The following RAP1GDS1 variants were observed in gnomAD, a reference collection of about 807,000 sequenced individuals.
The protein encoded by RAP1GDS1 is RAP1, GTP-GDP dissociation stimulator 1.
In RAP1GDS1, 35 loss-of-function variants were observed where a neutral mutation model predicts 71.1. The observed-to-expected ratio is 0.49, with a 90% CI of 0.38 to 0.65. RAP1GDS1 has a LOEUF of 0.65. Among genes scored for constraint, RAP1GDS1 ranks in the 30% least tolerant of loss-of-function variants. The pLI is 0.00. For missense variants in RAP1GDS1, 663 were observed against 706.1 expected (o/e 0.94, Z 0.69); for synonymous variants, 229 against 243.1 (o/e 0.94, Z 0.54).
chr4:98,345,752 C>A (rs1254298172), intron 3 of RAP1GDS1, among the ~76,000 whole-genome samples: 1 of 152,112 alleles, frequency 6.6e-6, no homozygotes, highest in Non-Finnish European at 1.5e-5. Context: ...AAATATCTTA[C>A]CTGTCATCAC....
At chr4:98,395,265 A>T (rs745379312) in intron 6 of RAP1GDS1, among the ~76,000 whole-genome samples, 1 of 152,174 alleles carries the variant, frequency 6.6e-6, no homozygotes, top group Non-Finnish European at 1.5e-5. Flanking sequence ...CACAAGTTTA[A>T]TTAAAACATT....
chr4:98,277,569 T>C (rs1286643376), intron 1 of RAP1GDS1, among the ~76,000 whole-genome samples: 1 of 152,224 alleles, frequency 6.6e-6, no homozygotes, highest in Non-Finnish European at 1.5e-5. Context: ...TTCTTCTGTC[T>C]TCTTAGTCAT....
intron 2 of RAP1GDS1, among the ~76,000 whole-genome samples, chr4:98,304,405 G>A (rs1729016768): frequency 1.3e-5 from 2 of 152,092 alleles, no homozygotes; most frequent in African/African-American, 4.8e-5. Flanking sequence ...GGCTTGAGAT[G>A]GTATCTCATT....
intron 2 of RAP1GDS1, among the ~76,000 whole-genome samples, chr4:98,324,569 A>G (rs1292488340): frequency 6.8e-6 from 1 of 146,264 alleles, no homozygotes; most frequent in Non-Finnish European, 1.5e-5. Context: ...GTACCAAAAC[A>G]GAGATATAGA....
At chr4:98,286,932 T>C (rs1393684681) in intron 1 of RAP1GDS1, among the ~76,000 whole-genome samples, 2 of 151,092 alleles carry the variant, frequency 1.3e-5, no homozygotes, top group Non-Finnish European at 1.5e-5. Flanking sequence ...AAATTACTGC[T>C]TAGAAAATTT....
At chr4:98,272,842 G>A (rs555451098) in intron 1 of RAP1GDS1, among the ~76,000 whole-genome samples, 6 of 152,218 alleles carry the variant, frequency 3.9e-5, no homozygotes, top group African/African-American at 1.2e-4. Flanking sequence ...CAATCTGATC[G>A]AGAAATGGTT....
At chr4:98,312,897 G>A (rs1015873456) in intron 2 of RAP1GDS1, among the ~76,000 whole-genome samples, 2 of 151,356 alleles carry the variant, frequency 1.3e-5, no homozygotes, top group African/African-American at 2.4e-5. Flanking sequence ...GGGAAACCCC[G>A]TCTCTAGTAA....
chr4:98,292,625 T>G (rs191747773), intron 1 of RAP1GDS1, among the ~76,000 whole-genome samples: 1 of 152,286 alleles, frequency 6.6e-6, no homozygotes, highest in African/African-American at 2.4e-5. Flanking sequence ...GGAAATAATT[T>G]TTTTCATTAA....
At chr4:98,418,108 T>C (rs557820929) in intron 9 of RAP1GDS1, among the ~76,000 whole-genome samples, 1 of 152,294 alleles carries the variant, frequency 6.6e-6, no homozygotes, top group East Asian at 1.9e-4. Context: ...TGTTGGTATA[T>C]ATTATATCAT....
Position 98,418,769 on chromosome 4 carries a change from C to A in RAP1GDS1, c.1152C>A (p.Ala384=). The change falls in exon 10 of 15, where the codon GCC becomes GCA. Residue 384 remains alanine, a synonymous_variant. Coordinates refer to ENST00000408927, the MANE Select transcript of RAP1GDS1 (RefSeq NM_001100427.2). ...NVTVQHAALS[A]LRNLAIPVIN... ...CAGTACAGCATGCAGCACTAAGTGC[C>A]CTCAGAAACCTGGCCATTCCAGGTA... The A allele has an allele frequency of 1.9e-6, 3 of 1,593,016 alleles. No individual in the cohort carries two copies. The highest frequency in any genetic ancestry group is 2.3e-5 in the East Asian group (1 of 44,018).
At chr4:98,429,864 G>A (rs1003998858) in intron 12 of RAP1GDS1, among the ~76,000 whole-genome samples, 41 of 151,900 alleles carry the variant, frequency 2.7e-4, no homozygotes, top group African/African-American at 8.9e-4. Context: ...AGTAAGGCTC[G>A]TGGAAACCTT....
At chr4:98,402,497 T>C (rs1445121493) in intron 6 of RAP1GDS1, among the ~76,000 whole-genome samples, 1 of 152,094 alleles carries the variant, frequency 6.6e-6, no homozygotes, top group Non-Finnish European at 1.5e-5. Context: ...CCTTGGCATG[T>C]GAAGTAAGAG....
intron 4 of RAP1GDS1, among the ~76,000 whole-genome samples, chr4:98,364,063 G>A (rs1211133374): frequency 6.6e-6 from 1 of 152,030 alleles, no homozygotes; most frequent in Non-Finnish European, 1.5e-5. Context: ...TTGTTTTGCT[G>A]CAGGCATTAT....
chr4:98,280,278 C>T (rs766496764), intron 1 of RAP1GDS1, among the ~76,000 whole-genome samples: 1 of 152,156 alleles, frequency 6.6e-6, no homozygotes, highest in Non-Finnish European at 1.5e-5. Context: ...CTGTTATTTC[C>T]TGACTTTTTA....
chr4:98,398,308 G>C (rs917188606), intron 6 of RAP1GDS1, among the ~76,000 whole-genome samples: 5 of 151,528 alleles, frequency 3.3e-5, no homozygotes, highest in Non-Finnish European at 5.9e-5. Flanking sequence ...ACAGAGAGGA[G>C]GAAATTGCCA....
intron 2 of RAP1GDS1, among the ~76,000 whole-genome samples, chr4:98,340,200 A>G (rs2110390274): frequency 6.6e-6 from 1 of 152,350 alleles, no homozygotes; most frequent in South Asian, 2.1e-4. Context: ...AGGAATAGAA[A>G]TCATTCTACG....
intron 4 of RAP1GDS1, among the ~76,000 whole-genome samples, chr4:98,357,777 C>A (rs866426246): frequency 1.3e-5 from 2 of 151,620 alleles, no homozygotes; most frequent in East Asian, 1.9e-4. Context: ...TTTAATATAA[C>A]CCCTAGAAAG....
At chr4:98,311,446 C>T (rs1730210153) in intron 2 of RAP1GDS1, among the ~76,000 whole-genome samples, 1 of 152,092 alleles carries the variant, frequency 6.6e-6, no homozygotes, top group Admixed American at 6.6e-5. Context: ...ATTTCCAAGA[C>T]AACAGAATTT....
chr4:98,362,800 G>T (rs774829530), intron 4 of RAP1GDS1, among the ~76,000 whole-genome samples: 1 of 152,270 alleles, frequency 6.6e-6, no homozygotes, highest in South Asian at 2.1e-4. Context: ...GTACTGAGAA[G>T]ATATGAAATA....
Sources: gnomAD v4.1 joint callset for allele counts (sites outside exome capture counted in the v4.1 genomes callset) on GRCh38, gnomAD v4.1.1 for gene constraint, MANE v1.5 for transcripts, NCBI Gene and HGNC (gene_info 2026-07-23, HGNC 2026-07-21) for gene names.